The following TRAF3 variants were observed in gnomAD, a reference collection of about 807,000 sequenced individuals.
TRAF3 encodes TNF receptor-associated factor 3.
In TRAF3, 13 loss-of-function variants were observed where a neutral mutation model predicts 62.3. That is an observed-to-expected ratio of 0.21 (90% CI 0.14 to 0.33). TRAF3 has a LOEUF of 0.33. TRAF3 is among the 10% of genes least tolerant of loss of function. The pLI is 1.00. For synonymous variants in TRAF3, 269 were observed against 283.4 expected (o/e 0.95, Z 0.51); for missense variants, 440 against 741.8 (o/e 0.59, Z 4.73).
At position 102,911,088 on chromosome 14, in the gene TRAF3, C is replaced by T. The variant is rs905025693; in HGVS notation, c.*5304C>T. 4 of 152,248 alleles carry T rather than the reference C, an allele frequency of 2.6e-5. No individual in the cohort carries two copies. The highest frequency in any genetic ancestry group is 9.6e-5 in the African/African-American group (4 of 41,458). 9.4% of individuals were successfully genotyped at this position (152,248 alleles called of 1,614,324 possible). On this transcript the variant is annotated 3_prime_UTR_variant, in exon 12 of 12. Coordinates refer to ENST00000392745, the MANE Select transcript of TRAF3 (RefSeq NM_145725.3). Reference sequence around the variant, plus strand: ...AAAACAAAGACCAAAGAAGGCCAATCTCTCATTTGACCCTGTCTTTTTAAT... The same window carrying T: ...AAAACAAAGACCAAAGAAGGCCAATTTCTCATTTGACCCTGTCTTTTTAAT...
intron 10 of TRAF3, among the ~76,000 whole-genome samples, chr14:102,900,536 C>CA (rs1203754892): frequency 1.2e-4 from 18 of 152,332 alleles, no homozygotes; most frequent in African/African-American, 4.1e-4. Context: ...GCGAGCATGA[C>CA]CCAGGCTTCT....
intron 1 of TRAF3, among the ~76,000 whole-genome samples, chr14:102,827,254 G>A (rs1207340465): frequency 6.6e-6 from 1 of 152,224 alleles, no homozygotes; most frequent in African/African-American, 2.4e-5. Context: ...GCATGATGGT[G>A]TGTTTTCCAT....
rs554723538 is a variant in TRAF3 at position 102,886,194 on chromosome 14, C to T, written c.576C>T (p.His192=). Residue 192 remains histidine, a synonymous_variant, in exon 7 of 12, where the codon CAC becomes CAT. Coordinates refer to ENST00000392745, the MANE Select transcript of TRAF3 (RefSeq NM_145725.3). ...SQVPMIALQK[H]EDTDCPCVVV... is the part of the protein sequence containing the mutation. ...AGTACTTTCTCTCTCTGTAGAAACA[C>T]GAAGACACCGACTGTCCCTGCGTGG... 75 of 1,613,240 alleles carry T rather than the reference C, an allele frequency of 4.6e-5. No homozygotes were observed. The East Asian group carries it at 1.0e-3, about 22-fold the overall frequency.
At chr14:102,851,554 C>T (rs1887038959) in intron 2 of TRAF3, among the ~76,000 whole-genome samples, 1 of 152,166 alleles carries the variant, frequency 6.6e-6, no homozygotes, top group African/African-American at 2.4e-5. Flanking sequence ...ACCATCCTGG[C>T]CAAGATGGTG....
chr14:102,901,599 ATAAAGGGACAGTGACAGTGTCAGTT>A (rs1451878826), intron 10 of TRAF3, among the ~76,000 whole-genome samples: 38 of 152,358 alleles, frequency 2.5e-4, no homozygotes, highest in African/African-American at 8.2e-4. Flanking sequence ...ATTGTGTAAA[ATAAAGGGACAGTGACAGTGTCAGTT>A]TAAAGGGACA....
intron 2 of TRAF3, among the ~76,000 whole-genome samples, chr14:102,869,205 G>C (rs2139821639): frequency 6.6e-6 from 1 of 152,348 alleles, no homozygotes; most frequent in South Asian, 2.1e-4. Context: ...AGCATGCTGG[G>C]TCAGGGTGGT....
At chr14:102,865,275 T>C (rs889997272) in intron 2 of TRAF3, among the ~76,000 whole-genome samples, 1 of 152,178 alleles carries the variant, frequency 6.6e-6, no homozygotes, top group Non-Finnish European at 1.5e-5. Context: ...GGCTGCCGGC[T>C]GGGCTCTGCT....
chr14:102,781,124 G>T (rs887844207), intron 1 of TRAF3, among the ~76,000 whole-genome samples: 2 of 152,212 alleles, frequency 1.3e-5, no homozygotes, highest in Admixed American at 6.5e-5. Flanking sequence ...TTGAGTTGAG[G>T]CCCAGTGTCA....
intron 6 of TRAF3, among the ~76,000 whole-genome samples, chr14:102,883,926 C>T (rs753005343): frequency 3.9e-5 from 6 of 152,172 alleles, no homozygotes; most frequent in Non-Finnish European, 5.9e-5. Context: ...ATCAGAATTA[C>T]ATTTAATTTC....
intron 1 of TRAF3, among the ~76,000 whole-genome samples, chr14:102,795,737 A>G (rs1898047561): frequency 6.6e-6 from 1 of 151,950 alleles, no homozygotes; most frequent in South Asian, 2.1e-4. Context: ...CTCTAATCTG[A>G]CTGTGAGTCA....
At chr14:102,882,782 T>C (rs1165076187) in intron 6 of TRAF3, among the ~76,000 whole-genome samples, 1 of 152,194 alleles carries the variant, frequency 6.6e-6, no homozygotes, top group Non-Finnish European at 1.5e-5. Flanking sequence ...GCAGTTCATA[T>C]AAGGATTTCT....
chr14:102,900,189 A>G (rs1411636735), intron 10 of TRAF3, among the ~76,000 whole-genome samples: 1 of 141,360 alleles, frequency 7.1e-6, no homozygotes, highest in African/African-American at 2.6e-5. Context: ...GGAAAAAAAA[A>G]AAAAAAAAAA....
intron 1 of TRAF3, among the ~76,000 whole-genome samples, chr14:102,791,163 G>A (rs1228431228): frequency 1.3e-5 from 2 of 151,986 alleles, no homozygotes; most frequent in East Asian, 3.9e-4. Flanking sequence ...GGGACTACAG[G>A]CACCTGCCAC....
chr14:102,901,743 C>G (rs1566809334), intron 10 of TRAF3, among the ~76,000 whole-genome samples: 1 of 152,154 alleles, frequency 6.6e-6, no homozygotes, highest in Non-Finnish European at 1.5e-5. Flanking sequence ...CTTTTACGCC[C>G]AAAAAGCCAC....
intron 6 of TRAF3, among the ~76,000 whole-genome samples, chr14:102,884,087 A>G (rs1297164895): frequency 6.6e-6 from 1 of 152,242 alleles, no homozygotes; most frequent in Non-Finnish European, 1.5e-5. Flanking sequence ...TTATCCTGTC[A>G]TAGTTCTGGG....
intron 7 of TRAF3, among the ~76,000 whole-genome samples, chr14:102,888,139 G>A (rs182432362): frequency 1.8e-4 from 27 of 152,314 alleles, no homozygotes; most frequent in African/African-American, 6.3e-4. Flanking sequence ...ATGTAATAGC[G>A]TTGACACTCA....
At chr14:102,817,915 T>C (rs919547395) in intron 1 of TRAF3, among the ~76,000 whole-genome samples, 2 of 152,234 alleles carry the variant, frequency 1.3e-5, no homozygotes, top group Admixed American at 6.5e-5. Context: ...ATAGAGCTTT[T>C]GCAGCTGCTC....
chr14:102,802,048 G>A (rs35022220), intron 1 of TRAF3, among the ~76,000 whole-genome samples: 75,059 of 143,290 alleles, frequency 0.52, 22,085 homozygotes, highest in South Asian at 0.74. Flanking sequence ...TTTTTGAGAC[G>A]GAGTCTCACT....
At chr14:102,873,746 C>G (rs1460183529) in intron 4 of TRAF3, among the ~76,000 whole-genome samples, 1 of 149,546 alleles carries the variant, frequency 6.7e-6, no homozygotes, top group Non-Finnish European at 1.5e-5. Context: ...ACTTTAGTAT[C>G]TCAAGTCATG....
Sources: gnomAD v4.1 joint callset for allele counts (sites outside exome capture counted in the v4.1 genomes callset) on GRCh38, gnomAD v4.1.1 for gene constraint, MANE v1.5 for transcripts, NCBI Gene and HGNC (gene_info 2026-07-23, HGNC 2026-07-21) for gene names.